RIPOR3: variants seen among roughly 807,000 people sequenced by gnomAD.
RIPOR3 encodes family with sequence similarity 65 member C.
Under a neutral mutation model 114.3 loss-of-function variants are expected in RIPOR3, and 95 were observed. The ratio of observed to expected loss-of-function variants is 0.83; its 90% CI spans 0.70 to 0.99. The LOEUF (loss-of-function observed/expected upper bound fraction) is 0.99, where lower values mean the gene tolerates loss of function less well. RIPOR3 is among the 50% of genes least tolerant of loss of function. The probability of loss-of-function intolerance (pLI) is 0.00; values close to 1 mark genes in which losing one functional copy is unlikely to be tolerated. For synonymous variants in RIPOR3, 575 were observed against 543.8 expected, an observed-to-expected ratio of 1.06 and a Z score of -0.80; for missense variants, 1,252 against 1,266.9, an observed-to-expected ratio of 0.99 and a Z score of 0.18.
At chr20:50,676,943 C>T (rs6122959) in intron 1 of RIPOR3, among the ~76,000 whole-genome samples, 8,999 of 152,144 alleles carry the variant, frequency 0.059, 333 homozygotes, top group South Asian at 0.12. Flanking sequence ...TTTGCAGTCA[C>T]CAAGCACCAG....
At chr20:50,619,460 A>AG (rs2084313611) in intron 3 of RIPOR3, among the ~76,000 whole-genome samples, 1 of 150,308 alleles carries the variant, frequency 6.7e-6, no homozygotes, top group African/African-American at 2.4e-5. Flanking sequence ...AAAAAAAAAA[A>AG]TTTGTGGAGT....
At chr20:50,609,003 G>C (rs1249757409) in intron 8 of RIPOR3, 48 bp from the exon 9 acceptor site, 2 of 1,554,304 alleles carry the variant, frequency 1.3e-6, no homozygotes, top group South Asian at 2.4e-5. Flanking sequence ...CACTCTCCCT[G>C]ACCTGGGACC....
chr20:50,672,325 T>A (rs1261258664), intron 1 of RIPOR3, among the ~76,000 whole-genome samples: 2 of 151,882 alleles, frequency 1.3e-5, no homozygotes, highest in Non-Finnish European at 2.9e-5. Flanking sequence ...GCCAGCAGAG[T>A]CCTACAGTAA....
At chr20:50,675,430 C>A (rs2086649011) in intron 1 of RIPOR3, among the ~76,000 whole-genome samples, 1 of 152,140 alleles carries the variant, frequency 6.6e-6, no homozygotes, top group Non-Finnish European at 1.5e-5. Context: ...GGTTACTATA[C>A]CATGTTACAG....
At chr20:50,627,804 A>C (rs1036484761) in intron 2 of RIPOR3, among the ~76,000 whole-genome samples, 20 of 152,216 alleles carry the variant, frequency 1.3e-4, no homozygotes, top group Admixed American at 9.8e-4. Flanking sequence ...CACCCACAAA[A>C]ATTTCTAGAG....
rs563232978 is a variant in RIPOR3 at position 50,657,197 on chromosome 20, G to A, written c.4-26341C>T. ...AGCCCAGGAGTTCAAGACCAGCCTTGGCAACATAGTGAGACCCCATCTCTC... is the reference window on the plus strand; with the variant it reads ...AGCCCAGGAGTTCAAGACCAGCCTTAGCAACATAGTGAGACCCCATCTCTC... On this transcript the variant is annotated intron_variant, in intron 1 of 21. Coordinates refer to ENST00000327979, the MANE Select transcript of RIPOR3 (RefSeq NM_001290268.2). Among the ~76,000 whole-genome samples, 3 of 152,300 alleles carry A rather than the reference G, an allele frequency of 2.0e-5. No homozygotes were observed. In the South Asian group the frequency reaches 6.2e-4, roughly 32 times the overall value.
intron 1 of RIPOR3, among the ~76,000 whole-genome samples, chr20:50,663,805 C>T (rs1252351115): frequency 6.6e-6 from 1 of 152,166 alleles, no homozygotes; most frequent in Non-Finnish European, 1.5e-5. Context: ...ATCCCCATCC[C>T]CAGAAGGAAA....
chr20:50,672,973 G>A (rs2086569323), intron 1 of RIPOR3, among the ~76,000 whole-genome samples: 1 of 152,204 alleles, frequency 6.6e-6, no homozygotes, highest in Admixed American at 6.5e-5. Flanking sequence ...ACCCAGTGAT[G>A]CTGAGTATGT....
Position 50,608,975 on chromosome 20 carries a change from G to A in RIPOR3, c.641-20C>T, listed in dbSNP as rs762610888. 59 of 1,564,360 alleles carry A rather than the reference G, an allele frequency of 3.8e-5. 1 individual carries two copies. The highest frequency in any genetic ancestry group is 1.7e-4 in the Middle Eastern group (1 of 6,018). On this transcript the variant is annotated intron_variant, in intron 8 of 21. Transcript: ENST00000327979. The stretch of plus-strand genomic sequence containing the variant: ...CCAAGCCTGGAACACAGACATGGCC[G>A]GTCTCCCCTCCGCCTTCCACTCTCC...
chr20:50,611,250 A>G, intron 4 of RIPOR3, 46 bp from the exon 5 acceptor site: 9 of 1,613,542 alleles, frequency 5.6e-6, no homozygotes, highest in Non-Finnish European at 7.6e-6. Context: ...AGAGTCCCAC[A>G]TGTTCCTCCA....
In RIPOR3 at chr20:50,602,523, T is replaced by C. The variant is rs1214491494; in HGVS notation, c.1208A>G (p.Glu403Gly). The C allele has an allele frequency of 3.8e-6, 6 of 1,561,062 alleles. No individual in the cohort carries two copies. Among genetic ancestry groups the C allele is most frequent in the African/African-American group, 1.4e-5 (1 of 72,788 alleles). Reference protein sequence around the residue: ...RGPSLRSQSQELPEMDSFSSE... With the variant: ...RGPSLRSQSQGLPEMDSFSSE... ...GCTGAAGGAGTCCATCTCAGGCAGC[T>C]CCTGACTCTGGCTTCTTAGGCTGGG... Residue 403 changes from glutamate to glycine, a missense_variant, in exon 13 of 22, where the codon GAG becomes GGG. Coordinates refer to ENST00000327979, the MANE Select transcript of RIPOR3 (RefSeq NM_001290268.2). This position sits in a 1 kb window ranked among gnomAD's most constrained non-coding sequence, Gnocchi z 4.3.
chr20:50,654,448 T>TTTTGTTGG (rs2085737024), intron 1 of RIPOR3, among the ~76,000 whole-genome samples: 1 of 133,176 alleles, frequency 7.5e-6, no homozygotes, highest in Non-Finnish European at 1.6e-5. Flanking sequence ...TTTTTTTTTT[T>TTTTGTTGG]GAGATGGAGG....
intron 1 of RIPOR3, among the ~76,000 whole-genome samples, chr20:50,690,536 C>T (rs373296030): frequency 1.1e-3 from 164 of 152,300 alleles, no homozygotes; most frequent in African/African-American, 3.8e-3. Flanking sequence ...ATGCTCCATC[C>T]ATACCTCCTT....
intron 2 of RIPOR3, among the ~76,000 whole-genome samples, chr20:50,623,278 A>G (rs1311081169): frequency 6.6e-6 from 1 of 150,870 alleles, no homozygotes; most frequent in African/African-American, 2.5e-5. Flanking sequence ...AAAAAAAAAA[A>G]AGAAAAAAAA....
chr20:50,589,377 G>A (rs2083037499), intron 20 of RIPOR3, among the ~76,000 whole-genome samples: 1 of 150,324 alleles, frequency 6.7e-6, no homozygotes, highest in Non-Finnish European at 1.5e-5. Flanking sequence ...GCACGATCTC[G>A]GCTCACTGCA....
At chr20:50,655,695 G>A (rs1038702592) in intron 1 of RIPOR3, among the ~76,000 whole-genome samples, 1 of 151,348 alleles carries the variant, frequency 6.6e-6, no homozygotes, top group African/African-American at 2.4e-5. Context: ...GTGTGTGTGT[G>A]TGTGTGTGTC....
At chr20:50,663,626 C>T (rs982299205) in intron 1 of RIPOR3, among the ~76,000 whole-genome samples, 2 of 152,168 alleles carry the variant, frequency 1.3e-5, no homozygotes, top group Non-Finnish European at 2.9e-5. Context: ...GACAGCCTTT[C>T]GGTACCTTTC....
chr20:50,609,491 C>G (rs1349416027), intron 7 of RIPOR3, 82 bp downstream of exon 7: 1 of 1,451,464 alleles, frequency 6.9e-7, no homozygotes, highest in Non-Finnish European at 9.1e-7. Context: ...CTCCAGCCCC[C>G]ACTGGCCCAG....
intron 1 of RIPOR3, among the ~76,000 whole-genome samples, chr20:50,678,786 C>G (rs2086758237): frequency 6.6e-6 from 1 of 152,028 alleles, no homozygotes; most frequent in Non-Finnish European, 1.5e-5. Context: ...ATGTTATTAA[C>G]TCATTCAATC....
Sources: gnomAD v4.1 joint callset for allele counts (sites outside exome capture counted in the v4.1 genomes callset) on GRCh38, gnomAD v4.1.1 for gene constraint, Gnocchi (gnomAD v3.1) non-coding constraint, MANE v1.5 for transcripts, NCBI Gene and HGNC (gene_info 2026-07-23, HGNC 2026-07-21) for gene names.